The following ROBO2 variants were observed in gnomAD, a reference collection of about 807,000 sequenced individuals.
The protein encoded by ROBO2 is roundabout homolog 2.
A neutral mutation model predicts 160.8 loss-of-function variants in ROBO2; 53 were observed. The observed-to-expected ratio is 0.33, with a 90% CI of 0.26 to 0.41. The LOEUF is 0.41. Ranked by LOEUF, ROBO2 falls within the 10% of genes least tolerant of loss-of-function variation. The probability of loss-of-function intolerance (pLI) is 1.00; values close to 1 mark genes in which losing one functional copy is unlikely to be tolerated. For missense variants in ROBO2, 1,577 were observed against 1,722.4 expected (o/e 0.92, Z 1.49); for synonymous variants, 664 against 611.7 (o/e 1.09, Z -1.26).
intron 2 of ROBO2, among the ~76,000 whole-genome samples, chr3:77,351,054 A>C (rs1254144471): frequency 1.3e-5 from 2 of 152,312 alleles, no homozygotes; most frequent in East Asian, 3.9e-4. Flanking sequence ...TAGTTAACAA[A>C]GCACTCAGGG....
chr3:76,018,885 A>G (rs1406475477), intron 2 of ROBO2, among the ~76,000 whole-genome samples: 1 of 151,824 alleles, frequency 6.6e-6, no homozygotes, highest in Non-Finnish European at 1.5e-5. Context: ...TATTTGCATT[A>G]TGGCCTCCCC....
At chr3:76,363,662 CAATT>C (rs2075653063) in intron 2 of ROBO2, among the ~76,000 whole-genome samples, 1 of 151,902 alleles carries the variant, frequency 6.6e-6, no homozygotes, top group African/African-American at 2.4e-5. Context: ...CAAAAAAAAT[CAATT>C]AATCTTAACT....
At chr3:76,877,296 G>C (rs17014871) in intron 2 of ROBO2, among the ~76,000 whole-genome samples, 1 of 152,044 alleles carries the variant, frequency 6.6e-6, no homozygotes, top group South Asian at 2.1e-4. Context: ...TTAATCGTAC[G>C]CAAACAGTAC....
rs73841634 is a variant in ROBO2, at chr3:76,823,395, T to C, written c.110-274619T>C. ...GTTAGAAAGTTACAAAGTTGCCTTATTTTCAAAGATTTTATAATTTATTTG... is the reference window on the plus strand; with the variant it reads ...GTTAGAAAGTTACAAAGTTGCCTTACTTTCAAAGATTTTATAATTTATTTG... On this transcript the variant is annotated intron_variant, in intron 2 of 26. Transcript: ENST00000487694. 2.2e-3 allele frequency among the ~76,000 whole-genome samples: 335 copies of C among 152,288 alleles called. 3 individuals are homozygous for C. Among genetic ancestry groups the C allele is most frequent in the African/African-American group, 7.7e-3 (321 of 41,568 alleles).
intron 2 of ROBO2, among the ~76,000 whole-genome samples, chr3:77,335,832 A>T (rs1031739723): frequency 1.3e-5 from 2 of 152,236 alleles, no homozygotes; most frequent in Non-Finnish European, 2.9e-5. Flanking sequence ...TGACACTACG[A>T]TAGAAGAGAG....
At chr3:76,531,482 AT>A (rs963012967) in intron 2 of ROBO2, among the ~76,000 whole-genome samples, 2 of 151,660 alleles carry the variant, frequency 1.3e-5, no homozygotes, top group African/African-American at 4.8e-5. Flanking sequence ...TCTCGAATAT[AT>A]TTTTTAATTA....
intron 2 of ROBO2, among the ~76,000 whole-genome samples, chr3:77,381,855 A>G (rs2073514489): frequency 6.6e-6 from 1 of 152,164 alleles, no homozygotes; most frequent in Non-Finnish European, 1.5e-5. Context: ...TTTTTAAACC[A>G]GAGTACATTT....
chr3:77,312,764 T>C (rs143804572), intron 2 of ROBO2, among the ~76,000 whole-genome samples: 65 of 152,282 alleles, frequency 4.3e-4, no homozygotes, highest in African/African-American at 1.5e-3. Context: ...ATGTCTACCT[T>C]AAGCAAAGAG....
intron 9 of ROBO2, among the ~76,000 whole-genome samples, chr3:77,560,060 T>C (rs1387917293): frequency 6.6e-6 from 1 of 152,118 alleles, no homozygotes; most frequent in Non-Finnish European, 1.5e-5. Flanking sequence ...GTTAATGCAT[T>C]TTCACTGTAT....
intron 8 of ROBO2, among the ~76,000 whole-genome samples, chr3:77,551,742 C>T (rs1202664273): frequency 6.6e-6 from 1 of 151,954 alleles, no homozygotes; most frequent in Non-Finnish European, 1.5e-5. Flanking sequence ...TTTGTTTTCT[C>T]CCCTAATGCT....
chr3:77,155,980 A>C (rs987408570), intron 2 of ROBO2, among the ~76,000 whole-genome samples: 12 of 151,906 alleles, frequency 7.9e-5, no homozygotes, highest in African/African-American at 2.9e-4. Flanking sequence ...AGGAGCTCTC[A>C]TCTGTGGTCA....
rs116926591 is a variant in ROBO2 at position 77,406,183 on chromosome 3, C to T, written c.389-71231C>T. ...AAGGGGAAGAGCTTCTTCAAAAGCACTTTAAAAGCATCAGCTCTCCTGAGA... is the reference window on the plus strand; with the variant it reads ...AAGGGGAAGAGCTTCTTCAAAAGCATTTTAAAAGCATCAGCTCTCCTGAGA... On this transcript the variant is annotated intron_variant, in intron 2 of 25. Coordinates refer to ENST00000461745, the Ensembl canonical transcript of ROBO2. Among the ~76,000 whole-genome samples, 5 of 152,272 alleles carry T rather than the reference C, an allele frequency of 3.3e-5. No homozygotes were observed. The East Asian group carries it at 9.7e-4, about 29-fold the overall frequency.
intron 1 of ROBO2, among the ~76,000 whole-genome samples, chr3:75,929,359 A>AT (rs931096746): frequency 1.3e-5 from 2 of 152,108 alleles, no homozygotes; most frequent in African/African-American, 4.8e-5. Context: ...TTAAATCTTA[A>AT]TTTTTTGCAG....
chr3:76,046,649 AAAAAT>A (rs1356176682), intron 2 of ROBO2, among the ~76,000 whole-genome samples: 2 of 151,968 alleles, frequency 1.3e-5, no homozygotes, highest in African/African-American at 4.9e-5. Flanking sequence ...CTCCGTCTCA[AAAAAT>A]AAAATAAAAA....
intron 2 of ROBO2, among the ~76,000 whole-genome samples, chr3:76,693,482 TG>T: frequency 1.0e-5 from 1 of 96,440 alleles, no homozygotes; most frequent in South Asian, 3.3e-4. Flanking sequence ...ATTGTGTGTG[TG>T]TGTATATATA....
chr3:76,166,116 A>T (rs1440993357), intron 2 of ROBO2, among the ~76,000 whole-genome samples: 1 of 152,212 alleles, frequency 6.6e-6, no homozygotes, highest in Non-Finnish European at 1.5e-5. Flanking sequence ...GAAAAAAAAT[A>T]GAGCCAATAG....
intron 2 of ROBO2, among the ~76,000 whole-genome samples, chr3:76,698,970 A>C (rs1289903059): frequency 6.6e-6 from 1 of 152,164 alleles, no homozygotes; most frequent in Non-Finnish European, 1.5e-5. Flanking sequence ...AAAGTATGTA[A>C]CATTTTTCTC....
intron 2 of ROBO2, among the ~76,000 whole-genome samples, chr3:76,053,244 C>A (rs2107826769): frequency 6.6e-6 from 1 of 152,090 alleles, no homozygotes; most frequent in South Asian, 2.1e-4. Context: ...AGGGCCAAGT[C>A]TGTTGACTTA....
At chr3:76,513,892 A>C (rs1012816109) in intron 2 of ROBO2, among the ~76,000 whole-genome samples, 6 of 152,220 alleles carry the variant, frequency 3.9e-5, no homozygotes, top group Non-Finnish European at 8.8e-5. Context: ...GAATGTAAGA[A>C]CTTTTTGAAA....
Sources: allele counts gnomAD v4.1 joint callset (sites outside exome capture counted in the v4.1 genomes callset), GRCh38; gene constraint gnomAD v4.1.1; transcripts MANE v1.5; gene names NCBI Gene and HGNC (gene_info 2026-07-23, HGNC 2026-07-21).